The following PALS1 variants were observed in gnomAD, a reference collection of about 807,000 sequenced individuals.
PALS1 encodes the protein protein associated with LIN7 1, MAGUK p55 family member.
PALS1 carries 31 observed loss-of-function variants against 78.9 expected under a neutral mutation model. That is an observed-to-expected ratio of 0.39 (90% CI 0.30 to 0.53). The LOEUF (loss-of-function observed/expected upper bound fraction) is 0.53, where lower values mean the gene tolerates loss of function less well. Among genes scored for constraint, PALS1 ranks in the 20% least tolerant of loss-of-function variants. PALS1 has a pLI of 0.67. For missense variants in PALS1, 704 were observed against 826.5 expected (o/e 0.85, Z 1.82); for synonymous variants, 276 against 270.9 (o/e 1.02, Z -0.18).
chr14:67,267,315 A>G (rs1430295275), intron 1 of PALS1, among the ~76,000 whole-genome samples: 3 of 151,590 alleles, frequency 2.0e-5, no homozygotes, highest in Non-Finnish European at 2.9e-5. Context: ...CTGGAGTGCA[A>G]TGGTGCAATC....
intron 1 of PALS1, chr14:67,254,263 A>G (rs1018390722): frequency 1.3e-5 from 2 of 148,818 alleles, no homozygotes; most frequent in African/African-American, 4.9e-5. Context: ...GACAATGACT[A>G]TCCAAGTTTT....
chr14:67,279,853 T>TA, intron 3 of PALS1: 1 of 279,376 alleles, frequency 3.6e-6, no homozygotes, highest in Non-Finnish European at 6.6e-6. Context: ...TGCAAAATAC[T>TA]AAAAAAGAAT....
At position 67,315,568 on chromosome 14, in the gene PALS1, A is replaced by G. The variant is rs1182661108; in HGVS notation, c.1226-1264A>G. Among the ~76,000 whole-genome samples the G allele has an allele frequency of 1.8e-4, 27 of 151,990 alleles. 1 individual carries two copies. Among genetic ancestry groups the G allele is most frequent in the Admixed American group, 1.8e-3 (27 of 15,252 alleles). On this transcript the variant is annotated intron_variant, in intron 9 of 14. Coordinates refer to ENST00000261681, the MANE Select transcript of PALS1 (RefSeq NM_022474.4). ...TGGGATTACAGGCATAAGCCACTGC[A>G]CCCGACCCCTTTAAATTTTAATACT...
intron 1 of PALS1, among the ~76,000 whole-genome samples, chr14:67,264,295 G>A (rs1445395493): frequency 6.6e-6 from 1 of 152,096 alleles, no homozygotes; most frequent in Non-Finnish European, 1.5e-5. Flanking sequence ...AACATATGTA[G>A]CACAGTGTTG....
At chr14:67,303,636 G>T (rs1408159131) in intron 8 of PALS1, 37 bp downstream of exon 8, 12 of 1,451,634 alleles carry the variant, frequency 8.3e-6, no homozygotes, top group Admixed American at 3.3e-5. Flanking sequence ...TTATGTGTTT[G>T]TGGATGCTGT....
intron 1 of PALS1, among the ~76,000 whole-genome samples, chr14:67,243,477 C>T (rs1470403564): frequency 1.4e-5 from 2 of 147,698 alleles, no homozygotes; most frequent in Non-Finnish European, 3.0e-5. Flanking sequence ...CGTGAGCCAC[C>T]GCCAGAATAT....
At chr14:67,261,806 C>T (rs886974491) in intron 1 of PALS1, among the ~76,000 whole-genome samples, 1 of 151,850 alleles carries the variant, frequency 6.6e-6, no homozygotes, top group African/African-American at 2.4e-5. Context: ...TATCTTGTTA[C>T]CACAATCAGG....
intron 1 of PALS1, among the ~76,000 whole-genome samples, chr14:67,242,434 A>G (rs766407304): frequency 6.6e-6 from 1 of 152,200 alleles, no homozygotes. Context: ...AAAGGTGTTA[A>G]TATTTCTGAT....
chr14:67,321,301 A>G (rs945443371), intron 13 of PALS1, 42 bp downstream of exon 13: 24 of 1,590,250 alleles, frequency 1.5e-5, no homozygotes, highest in South Asian at 2.2e-5. Flanking sequence ...CTTAGAAGGA[A>G]TGTCATATAG....
chr14:67,279,066 G>GTTT lies in PALS1; in HGVS notation c.-96_-94dup. 25 of 934,090 alleles carry GTTT rather than the reference G, an allele frequency of 2.7e-5. No homozygotes were observed. Among genetic ancestry groups the GTTT allele is most frequent in the South Asian group, 9.7e-5 (4 of 41,174 alleles). The allele number at this position is 934,090 out of a possible 1,614,324, so 57.9% of individuals were successfully genotyped here. A position where few individuals can be genotyped will look rare whatever the true frequency, so the allele number is the denominator to read the frequency against. Reference sequence around the variant, plus strand: ...ATAGCATTATTATGTGATGTGAGAAGTTTTTTTTTTTGAAGTAACATGGAT... The same window carrying GTTT: ...ATAGCATTATTATGTGATGTGAGAAGTTTTTTTTTTTTTTGAAGTAACATGGAT... On this transcript the variant is annotated 5_prime_UTR_variant, in exon 3 of 15. Coordinates refer to ENST00000261681, the MANE Select transcript of PALS1 (RefSeq NM_022474.4).
At chr14:67,325,933 C>T (rs981394227) in intron 14 of PALS1, among the ~76,000 whole-genome samples, 28 of 151,146 alleles carry the variant, frequency 1.9e-4, no homozygotes, top group South Asian at 1.0e-3. Flanking sequence ...CTCAGCCTCC[C>T]GAGTAGCTGG....
At chr14:67,289,156 T>G (rs2084734464) in intron 3 of PALS1, among the ~76,000 whole-genome samples, 1 of 151,662 alleles carries the variant, frequency 6.6e-6, no homozygotes, top group Non-Finnish European at 1.5e-5. Flanking sequence ...TTTGTAGACC[T>G]GGAGTTTTGC....
chr14:67,241,901 G>T (rs1003453084), intron 1 of PALS1: 1 of 152,316 alleles, frequency 6.6e-6, no homozygotes, highest in South Asian at 2.1e-4. Context: ...GGACTCTCCC[G>T]GCCGGGTCTG....
At chr14:67,278,222 T>C (rs916088149) in intron 2 of PALS1, among the ~76,000 whole-genome samples, 10 of 152,096 alleles carry the variant, frequency 6.6e-5, no homozygotes, top group African/African-American at 9.7e-5. Context: ...TTTTTCTTAG[T>C]AGAGACGGGG....
At chr14:67,286,614 G>C (rs2084691708) in intron 3 of PALS1, among the ~76,000 whole-genome samples, 1 of 151,954 alleles carries the variant, frequency 6.6e-6, no homozygotes, top group Non-Finnish European at 1.5e-5. Context: ...CTAGCACTTT[G>C]GGAGGCCGAG....
intron 1 of PALS1, among the ~76,000 whole-genome samples, chr14:67,253,846 A>G (rs1333834550): frequency 6.7e-6 from 1 of 148,850 alleles, no homozygotes; most frequent in Non-Finnish European, 1.5e-5. Context: ...CTCAAAAAGA[A>G]AAAAAAAAAA....
chr14:67,301,417 A>G lies in PALS1; in HGVS notation c.605A>G (p.His202Arg). 1.9e-6 allele frequency: 3 copies of G among 1,610,666 alleles called. No individual in the cohort carries two copies. Among genetic ancestry groups the G allele is most frequent in the Non-Finnish European group, 2.5e-6 (3 of 1,178,002 alleles). ...EVQTVLKPVH[H>R]KEGQELTALL... ...CAAACTGTTTTGAAGCCAGTTCATC[A>G]TAAGGAAGGACAAGAACTAACTGCT... The change falls in exon 5 of 15, where the codon CAT (histidine) becomes CGT (arginine). Residue 202 changes from histidine to arginine, a missense_variant. His to Arg is a conservative substitution (Grantham distance 29). Transcript: ENST00000261681.
At chr14:67,323,588 T>C (rs2085300658) in intron 13 of PALS1, 114 bp from the exon 14 acceptor site, 1 of 277,266 alleles carries the variant, frequency 3.6e-6, no homozygotes, top group South Asian at 1.6e-4. Flanking sequence ...CACTCTAGCC[T>C]AGGCAACAGA....
At chr14:67,293,827 A>G (rs1286565791) in intron 4 of PALS1, among the ~76,000 whole-genome samples, 1 of 152,168 alleles carries the variant, frequency 6.6e-6, no homozygotes, top group African/African-American at 2.4e-5. Flanking sequence ...CCCTTTTAGG[A>G]GGAAGGTTTG....
Sources: allele counts gnomAD v4.1 joint callset (sites outside exome capture counted in the v4.1 genomes callset), GRCh38; gene constraint gnomAD v4.1.1; transcripts MANE v1.5; gene names NCBI Gene and HGNC (gene_info 2026-07-23, HGNC 2026-07-21).